DHTKD1: variants seen among roughly 807,000 people sequenced by gnomAD.
The protein encoded by DHTKD1 is dehydrogenase E1 and transketolase domain containing 1.
Under a neutral mutation model 101.8 loss-of-function variants are expected in DHTKD1, and 78 were observed. The ratio of observed to expected loss-of-function variants is 0.77; its 90% confidence interval spans 0.64 to 0.93. DHTKD1 has a LOEUF of 0.93. DHTKD1 is among the 40% of genes least tolerant of loss of function. DHTKD1 has a pLI of 0.00. For missense variants in DHTKD1, 1,223 were observed against 1,161.7 expected (o/e 1.05, Z -0.77); for synonymous variants, 462 against 450.3 (o/e 1.03, Z -0.33).
At chr10:12,106,976 C>T (rs1833258959) in intron 11 of DHTKD1, among the ~76,000 whole-genome samples, 2 of 150,990 alleles carry the variant, frequency 1.3e-5, no homozygotes, top group East Asian at 3.9e-4. Flanking sequence ...GCTGCCCATT[C>T]TTTTTCTTTT....
Position 12,081,529 on chromosome 10 carries a change from C to T in DHTKD1, c.212C>T (p.Ala71Val), listed in dbSNP as rs1832818600. The stretch of plus-strand genomic sequence containing the variant: ...TATTGTGAGCATGGTCATAAAGCTG[C>T]CAAAATCAACCCCCTCTTCACCGGA... ...TVYCEHGHKA[A>V]KINPLFTGQA... The change falls in exon 2 of 17, where the codon GCC (alanine) becomes GTC (valine). Residue 71 changes from alanine to valine, a missense_variant. Physicochemically the swap from Ala to Val is moderately conservative, Grantham distance 64. Transcript: ENST00000263035. 1.9e-6 allele frequency: 3 copies of T among 1,614,066 alleles called. No individual in the cohort carries two copies. Among genetic ancestry groups the T allele is most frequent in the Non-Finnish European group, 1.7e-6 (2 of 1,179,992 alleles).
rs557366469 is a variant in DHTKD1 at position 12,099,408 on chromosome 10, C to T, written c.1672-770C>T. ...GCCTGTTTTAAAATTGTATATAGGC[C>T]GGGTGTGGTGGCTCACTCCTGTAAT... On this transcript the variant is annotated intron_variant, in intron 8 of 16. Transcript: ENST00000263035. 2.8e-3 allele frequency among the ~76,000 whole-genome samples: 419 copies of T among 152,106 alleles called. 1 individual carries two copies. Among genetic ancestry groups the T allele is most frequent in the African/African-American group, 6.4e-3 (267 of 41,494 alleles).
intron 3 of DHTKD1, among the ~76,000 whole-genome samples, chr10:12,086,104 A>G (rs1832892254): frequency 6.6e-6 from 1 of 151,314 alleles, no homozygotes; most frequent in Non-Finnish European, 1.5e-5. Flanking sequence ...TCCTGACTTC[A>G]TGATCCACCC....
rs771115245 is a variant in DHTKD1 at position 12,094,161 on chromosome 10, A to C, written c.1248A>C (p.Gln416His). ...VRATRLAFEY[Q>H]RQFRKDVIID... The stretch of plus-strand genomic sequence containing the variant: ...CCACACGACTGGCTTTTGAATACCA[A>C]CGCCAGTTCCGCAAGGATGTGATTA... Residue 416 changes from glutamine (Q) to histidine (H), a missense_variant, in exon 7 of 17, where the codon CAA (glutamine) becomes CAC (histidine). Gln to His is a conservative substitution (Grantham distance 24, BLOSUM62 0). Coordinates refer to ENST00000263035, the MANE Select transcript of DHTKD1 (RefSeq NM_018706.7). The C allele has an allele frequency of 1.2e-6, 2 of 1,614,086 alleles. No individual in the cohort carries two copies. Among genetic ancestry groups the C allele is most frequent in the Non-Finnish European group, 1.7e-6 (2 of 1,180,018 alleles).
intron 10 of DHTKD1, among the ~76,000 whole-genome samples, chr10:12,104,679 G>A (rs553646301): frequency 1.3e-5 from 2 of 151,554 alleles, no homozygotes; most frequent in Non-Finnish European, 2.9e-5. Flanking sequence ...CTGCAGCCTC[G>A]ACCTCCTGTG....
intron 1 of DHTKD1, among the ~76,000 whole-genome samples, chr10:12,077,323 G>C (rs1832749512): frequency 6.6e-6 from 1 of 151,914 alleles, no homozygotes; most frequent in African/African-American, 2.4e-5. Flanking sequence ...TGCCTCCTGG[G>C]TTCAAGCAAT....
intron 13 of DHTKD1, among the ~76,000 whole-genome samples, chr10:12,115,007 G>C (rs1026198678): frequency 1.1e-4 from 17 of 152,170 alleles, no homozygotes; most frequent in Non-Finnish European, 2.2e-4. Context: ...GTGTTAGCCA[G>C]GATGGTCTCG....
intron 1 of DHTKD1, 62 bp downstream of exon 1, chr10:12,069,249 A>T (rs1275126092): frequency 9.7e-6 from 10 of 1,029,004 alleles, no homozygotes; most frequent in South Asian, 6.6e-5. Flanking sequence ...CCCCTGGCCG[A>T]TTTGCGGTGG....
intron 13 of DHTKD1, among the ~76,000 whole-genome samples, chr10:12,117,390 T>C (rs1329866872): frequency 2.0e-5 from 3 of 150,902 alleles, no homozygotes; most frequent in African/African-American, 7.3e-5. Context: ...TCTCGCTATG[T>C]TGCCCAGGCG....
chr10:12,077,996 G>T (rs1216723559), intron 1 of DHTKD1, among the ~76,000 whole-genome samples: 1 of 152,112 alleles, frequency 6.6e-6, no homozygotes, highest in Non-Finnish European at 1.5e-5. Flanking sequence ...TGACATGAGA[G>T]AGGACTTCCT....
intron 8 of DHTKD1, 84 bp from the exon 9 acceptor site, chr10:12,100,094 C>A: frequency 2.6e-6 from 2 of 764,310 alleles, no homozygotes; most frequent in Non-Finnish European, 4.3e-6. Context: ...CCATGCCTGG[C>A]CTGCATTAAA....
chr10:12,104,043 CTGTT>C (rs1371544768), intron 10 of DHTKD1, among the ~76,000 whole-genome samples: 84 of 152,158 alleles, frequency 5.5e-4, no homozygotes, highest in African/African-American at 1.9e-3. Context: ...CACTCATCGA[CTGTT>C]TGTTTCTATT....
At chr10:12,100,287 G>GTTTTTT (rs57815181) in intron 9 of DHTKD1, 25 bp downstream of exon 9, 5,477 of 271,270 alleles carry the variant, frequency 0.02, 689 homozygotes, top group South Asian at 0.027. Flanking sequence ...TTTTTTTTCT[G>GTTTTTT]TTTTTTTTTT....
In DHTKD1 at chr10:12,087,521, A is replaced by G. The variant is rs1162881081; in HGVS notation, c.523-14A>G. On this transcript the variant is annotated splice_polypyrimidine_tract_variant and intron_variant, in intron 3 of 16. Coordinates refer to ENST00000263035, the MANE Select transcript of DHTKD1 (RefSeq NM_018706.7). This position sits in a 1 kb window ranked among gnomAD's most constrained non-coding sequence, Gnocchi z 5.2. ...TGTCTCCTGGCAGCTCACGTCTGAC[A>G]TGATGTTCTGCAGGAGTTTGACCAC... is the stretch of plus-strand genomic sequence containing the variant. The G allele has an allele frequency of 3.2e-6, 5 of 1,578,898 alleles. No individual in the cohort carries two copies. The highest frequency in any genetic ancestry group is 1.8e-5 in the Admixed American group (1 of 56,214).
chr10:12,093,157 C>T (rs764804703), intron 6 of DHTKD1, among the ~76,000 whole-genome samples: 10 of 151,870 alleles, frequency 6.6e-5, no homozygotes, highest in Non-Finnish European at 1.5e-4. Context: ...AATTCTCCTG[C>T]CTCAGCCTCC....
chr10:12,119,732 C>CTAGG (rs1324957075), intron 15 of DHTKD1, among the ~76,000 whole-genome samples: 1 of 151,958 alleles, frequency 6.6e-6, no homozygotes. Flanking sequence ...GGGTTAATAC[C>CTAGG]TAGGTGATGG....
chr10:12,069,065 G>C lies in DHTKD1; in HGVS notation c.32G>C (p.Arg11Pro), dbSNP rs1375605215. MASATAAAAR[R>P]GLGRALPLFW... ...TCTGCTACTGCGGCAGCAGCACGACGGGGCCTCGGCCGGGCTCTCCCTCTC... is the reference window on the plus strand; with the variant it reads ...TCTGCTACTGCGGCAGCAGCACGACCGGGCCTCGGCCGGGCTCTCCCTCTC... Residue 11 changes from arginine to proline, a missense_variant, in exon 1 of 17, where the codon CGG becomes CCG. Arg to Pro is a moderately radical substitution (Grantham distance 103, BLOSUM62 -2). Coordinates refer to ENST00000263035, the MANE Select transcript of DHTKD1 (RefSeq NM_018706.7). 1.9e-6 allele frequency: 3 copies of C among 1,612,956 alleles called. No homozygotes were observed. Among genetic ancestry groups the C allele is most frequent in the South Asian group, 1.1e-5 (1 of 91,062 alleles).
At chr10:12,106,725 T>A (rs1833255063) in intron 11 of DHTKD1, among the ~76,000 whole-genome samples, 1 of 152,148 alleles carries the variant, frequency 6.6e-6, no homozygotes, top group Non-Finnish European at 1.5e-5. Context: ...TAGAAGTAAT[T>A]GAAGTAAACG....
chr10:12,092,475 C>T (rs758293026), intron 6 of DHTKD1, among the ~76,000 whole-genome samples: 10 of 152,008 alleles, frequency 6.6e-5, no homozygotes, highest in Non-Finnish European at 1.3e-4. Flanking sequence ...GGGATGTGTT[C>T]AACCACTAAA....
Sources: allele counts gnomAD v4.1 joint callset (sites outside exome capture counted in the v4.1 genomes callset), GRCh38; gene constraint gnomAD v4.1.1; non-coding constraint Gnocchi (gnomAD v3.1); transcripts MANE v1.5; gene names NCBI Gene and HGNC (gene_info 2026-07-23, HGNC 2026-07-21).